PPME1: variants seen among roughly 807,000 people sequenced by gnomAD.
PPME1 encodes the protein protein phosphatase methylesterase 1, also known as testicular secretory protein Li 39.
In PPME1, 17 loss-of-function variants were observed where a neutral mutation model predicts 56.9. The observed-to-expected ratio is 0.30, with a 90% CI of 0.20 to 0.45. The LOEUF is 0.45. Ranked by LOEUF, PPME1 falls within the 20% of genes least tolerant of loss-of-function variation. The pLI, the probability that PPME1 is intolerant of heterozygous loss-of-function variation, is 1.00. For synonymous variants in PPME1, 122 were observed against 156.2 expected, an observed-to-expected ratio of 0.78 and a Z score of 1.63; for missense variants, 357 against 483.2, an observed-to-expected ratio of 0.74 and a Z score of 2.45.
intron 7 of PPME1, among the ~76,000 whole-genome samples, chr11:74,234,068 G>C (rs907067584): frequency 6.6e-6 from 1 of 152,186 alleles, no homozygotes; most frequent in Non-Finnish European, 1.5e-5. Flanking sequence ...GACAGGACTG[G>C]TTTATGGATT....
In PPME1 at chr11:74,230,206, C is replaced by T. The variant is rs753680483; in HGVS notation, c.399-39C>T. ...AAGAAAACCATTTTTACAGTGTTGT[C>T]AGAAAGCATTCTTAGATCTTTTTCT... On this transcript the variant is annotated intron_variant, in intron 5 of 13. Transcript: ENST00000328257. This position sits in a 1 kb window ranked among gnomAD's most constrained non-coding sequence, Gnocchi z 4.9. The T allele has an allele frequency of 1.3e-6, 2 of 1,574,822 alleles. No individual in the cohort carries two copies. The highest frequency in any genetic ancestry group is 2.4e-5 in the South Asian group (2 of 85,068).
At chr11:74,237,489 A>C (rs898172745) in intron 8 of PPME1, among the ~76,000 whole-genome samples, 2 of 151,818 alleles carry the variant, frequency 1.3e-5, no homozygotes, top group Non-Finnish European at 2.9e-5. Context: ...GTTAGCCAGG[A>C]TGGTCTCTAT....
chr11:74,253,617 C>A lies in PPME1; in HGVS notation c.*107C>A. On this transcript the variant is annotated 3_prime_UTR_variant, in exon 14 of 14. Transcript: ENST00000328257. ...CTCTCCATCCCGCCCAGCCATGTGACACTGGCTCCCGGTAGACGGGCACCC... is the reference window on the plus strand; with the variant it reads ...CTCTCCATCCCGCCCAGCCATGTGAAACTGGCTCCCGGTAGACGGGCACCC... 1 of 1,269,158 alleles carries A rather than the reference C, an allele frequency of 7.9e-7. No homozygotes were observed. The highest frequency in any genetic ancestry group is 1.2e-6 in the Non-Finnish European group (1 of 869,148). The allele number at this position is 1,269,158 out of a possible 1,614,324, so 78.6% of individuals were successfully genotyped here.
intron 5 of PPME1, among the ~76,000 whole-genome samples, chr11:74,226,116 G>A (rs575883755): frequency 1.9e-4 from 29 of 152,242 alleles, no homozygotes; most frequent in Admixed American, 1.2e-3. Context: ...TCTACCTGGA[G>A]ATAATTGTTT....
intron 3 of PPME1, among the ~76,000 whole-genome samples, chr11:74,215,726 A>G (rs1042155657): frequency 6.6e-6 from 1 of 152,196 alleles, no homozygotes; most frequent in Non-Finnish European, 1.5e-5. Context: ...GAATGAATAC[A>G]AAAACAAGAC....
intron 1 of PPME1, among the ~76,000 whole-genome samples, chr11:74,192,403 G>T (rs748892382): frequency 6.6e-5 from 10 of 152,098 alleles, no homozygotes; most frequent in Non-Finnish European, 1.3e-4. Context: ...CCTTATAGGT[G>T]GAAGGAGATG....
At chr11:74,189,016 G>C (rs552626433) in intron 1 of PPME1, among the ~76,000 whole-genome samples, 53 of 152,236 alleles carry the variant, frequency 3.5e-4, no homozygotes, top group African/African-American at 1.3e-3. Flanking sequence ...TATCCTACAA[G>C]TAACTATTTT....
At chr11:74,181,257 C>G (rs1336061907) in intron 1 of PPME1, among the ~76,000 whole-genome samples, 1 of 151,250 alleles carries the variant, frequency 6.6e-6, no homozygotes, top group Non-Finnish European at 1.5e-5. Flanking sequence ...ACCTTGTTAG[C>G]CAGGATGGTC....
At chr11:74,192,445 G>A (rs1346260675) in intron 1 of PPME1, among the ~76,000 whole-genome samples, 1 of 152,116 alleles carries the variant, frequency 6.6e-6, no homozygotes, top group Non-Finnish European at 1.5e-5. Flanking sequence ...CTTTGGACTT[G>A]ATGCTGAAAC....
rs1002212226 is a variant in PPME1 at position 74,188,331 on chromosome 11, C to A, written c.102-15397C>A. Reference sequence around the variant, plus strand: ...CCTTCTGAGTAGCTGGGATTACAGGCGCCTGCCACCACACCTGGCTAATTT... The same window carrying A: ...CCTTCTGAGTAGCTGGGATTACAGGAGCCTGCCACCACACCTGGCTAATTT... On this transcript the variant is annotated intron_variant, in intron 1 of 13. Transcript: ENST00000328257. Among the ~76,000 whole-genome samples, 7 of 151,748 alleles carry A rather than the reference C, an allele frequency of 4.6e-5. 1 individual carries two copies. The highest frequency in any genetic ancestry group is 3.4e-3 in the Middle Eastern group (1 of 294).
intron 12 of PPME1, chr11:74,251,317 A>G: frequency 2.2e-6 from 3 of 1,363,572 alleles, no homozygotes; most frequent in Non-Finnish European, 2.8e-6. Context: ...AGGGATGATT[A>G]GGGTAGAAAC....
chr11:74,232,500 C>T (rs1262189685), intron 7 of PPME1, among the ~76,000 whole-genome samples: 1 of 152,138 alleles, frequency 6.6e-6, no homozygotes, highest in African/African-American at 2.4e-5. Context: ...ATGCAGGATT[C>T]CTGTTCTCAC....
At chr11:74,227,430 C>T (rs776705933) in intron 5 of PPME1, among the ~76,000 whole-genome samples, 1 of 151,524 alleles carries the variant, frequency 6.6e-6, no homozygotes, top group South Asian at 2.1e-4. Context: ...TGAAATTATC[C>T]AAGCAGTAAA....
chr11:74,242,285 A>G (rs892007372), intron 9 of PPME1, among the ~76,000 whole-genome samples: 7 of 152,298 alleles, frequency 4.6e-5, no homozygotes, highest in African/African-American at 7.2e-5. Flanking sequence ...TCAATTGACT[A>G]TAAATGTTAG....
chr11:74,177,154 T>G (rs1420152518), intron 1 of PPME1, among the ~76,000 whole-genome samples: 1 of 152,134 alleles, frequency 6.6e-6, no homozygotes, highest in African/African-American at 2.4e-5. Context: ...TTACGTAAAT[T>G]TCACTACAAT....
chr11:74,196,642 C>G (rs1857989395), intron 1 of PPME1, among the ~76,000 whole-genome samples: 1 of 83,802 alleles, frequency 1.2e-5, no homozygotes, highest in African/African-American at 5.8e-5. Context: ...AGCAAGTTTA[C>G]TAAGAAAGTA....
intron 1 of PPME1, among the ~76,000 whole-genome samples, chr11:74,185,545 T>C (rs1857657102): frequency 6.6e-6 from 1 of 151,968 alleles, no homozygotes. Flanking sequence ...TTGCAAAACA[T>C]CAAAAAGTCT....
At chr11:74,225,708 G>A (rs1858917702) in intron 5 of PPME1, among the ~76,000 whole-genome samples, 1 of 152,078 alleles carries the variant, frequency 6.6e-6, no homozygotes, top group Non-Finnish European at 1.5e-5. Context: ...GTTACACCCT[G>A]GGCCTAAAGT....
chr11:74,253,882 C>T lies in PPME1; in HGVS notation c.*372C>T, dbSNP rs185531061. Reference sequence around the variant, plus strand: ...CAAATGTCTTCCCAGGCTCAGGGACCTCCATTCCTTGAGATTGTCTTGGCA... The same window carrying T: ...CAAATGTCTTCCCAGGCTCAGGGACTTCCATTCCTTGAGATTGTCTTGGCA... On this transcript the variant is annotated 3_prime_UTR_variant, in exon 14 of 14. Transcript: ENST00000328257. 1,497 of 354,864 alleles carry T rather than the reference C, an allele frequency of 4.2e-3. 14 individuals are homozygous for T. The highest frequency in any genetic ancestry group is 0.024 in the Middle Eastern group (31 of 1,318). 22.0% of individuals were successfully genotyped at this position (354,864 alleles called of 1,614,324 possible). A position where few individuals can be genotyped will look rare whatever the true frequency, so the allele number is the denominator to read the frequency against.
Sources: gnomAD v4.1 joint callset for allele counts (sites outside exome capture counted in the v4.1 genomes callset) on GRCh38, gnomAD v4.1.1 for gene constraint, Gnocchi (gnomAD v3.1) non-coding constraint, MANE v1.5 for transcripts, NCBI Gene and HGNC (gene_info 2026-07-23, HGNC 2026-07-21) for gene names.